ZNF536: variants seen among roughly 807,000 people sequenced by gnomAD.
ZNF536 encodes the protein zinc finger protein 536.
Under a neutral mutation model 84.5 loss-of-function variants are expected in ZNF536, and 13 were observed. The observed-to-expected ratio is 0.15, with a 90% CI of 0.10 to 0.24. The LOEUF is 0.24. Among genes scored for constraint, ZNF536 ranks in the 10% least tolerant of loss-of-function variants. The pLI, the probability that ZNF536 is intolerant of heterozygous loss-of-function variation, is 1.00. For synonymous variants in ZNF536, 811 were observed against 742.5 expected (o/e 1.09, Z -1.50); for missense variants, 1,536 against 1,747.5 (o/e 0.88, Z 2.16).
At chr19:30,323,816 C>T (rs2046934817) in intron 2 of ZNF536, among the ~76,000 whole-genome samples, 1 of 152,176 alleles carries the variant, frequency 6.6e-6, no homozygotes. Context: ...ACCTATCCAT[C>T]CTACCATTAT....
intron 1 of ZNF536, among the ~76,000 whole-genome samples, chr19:30,690,084 C>T (rs2051348393): frequency 6.6e-6 from 1 of 152,200 alleles, no homozygotes; most frequent in Non-Finnish European, 1.5e-5. Flanking sequence ...GGAAAACAAG[C>T]TTAAATTCAT....
chr19:30,290,832 C>T (rs12165131), intron 2 of ZNF536, among the ~76,000 whole-genome samples: 35,335 of 152,090 alleles, frequency 0.23, 5,018 homozygotes, highest in East Asian at 0.54. Context: ...AATGGTCTCC[C>T]TCCCTTTGCC....
chr19:30,421,466 T>C (rs544991980), intron 1 of ZNF536, among the ~76,000 whole-genome samples: 1 of 152,254 alleles, frequency 6.6e-6, no homozygotes, highest in Non-Finnish European at 1.5e-5. Context: ...GAGCTCACTG[T>C]AGCCTCCCAG....
At chr19:30,236,237 C>T (rs538053327) in intron 1 of ZNF536, among the ~76,000 whole-genome samples, 9 of 152,334 alleles carry the variant, frequency 5.9e-5, no homozygotes, top group Admixed American at 3.3e-4. Flanking sequence ...GTCCTGCCGC[C>T]GCCGGGTACT....
chr19:30,307,686 A>T (rs1349278635), intron 2 of ZNF536, among the ~76,000 whole-genome samples: 2 of 152,180 alleles, frequency 1.3e-5, no homozygotes, highest in Non-Finnish European at 2.9e-5. Flanking sequence ...ATTAAAATAC[A>T]GTCCGAACTT....
chr19:30,566,691 G>C (rs1387428708), intron 1 of ZNF536, among the ~76,000 whole-genome samples: 1 of 151,174 alleles, frequency 6.6e-6, no homozygotes. Flanking sequence ...CCTGTATGTG[G>C]CCCCTCTGGA....
intron 1 of ZNF536, among the ~76,000 whole-genome samples, chr19:30,656,505 C>G (rs1440828664): frequency 6.6e-6 from 1 of 152,196 alleles, no homozygotes; most frequent in Admixed American, 6.5e-5. Context: ...CCCTGTGCAA[C>G]GATGCTCATG....
chr19:30,573,982 A>C (rs952761382), intron 1 of ZNF536, among the ~76,000 whole-genome samples: 1 of 152,194 alleles, frequency 6.6e-6, no homozygotes, highest in South Asian at 2.1e-4. Context: ...AGTTTTTGTC[A>C]GGGAAAACTG....
chr19:30,620,232 C>G (rs1398457509), intron 1 of ZNF536, among the ~76,000 whole-genome samples: 1 of 152,124 alleles, frequency 6.6e-6, no homozygotes, highest in Non-Finnish European at 1.5e-5. Flanking sequence ...TCCTGTGGTG[C>G]TGCCATAAGG....
At chr19:30,546,233 G>A (rs558829134) in intron 3 of ZNF536, among the ~76,000 whole-genome samples, 3 of 152,254 alleles carry the variant, frequency 2.0e-5, no homozygotes, top group Admixed American at 2.0e-4. Context: ...CTGACTCCAA[G>A]AAGGGGGAAA....
At chr19:30,285,748 G>C (rs2045603035) in intron 2 of ZNF536, among the ~76,000 whole-genome samples, 1 of 152,140 alleles carries the variant, frequency 6.6e-6, no homozygotes, top group Admixed American at 6.5e-5. Flanking sequence ...TGGTTGCGGG[G>C]CCCTCCCGTG....
chr19:30,496,891 G>C (rs1401982204), intron 2 of ZNF536, among the ~76,000 whole-genome samples: 5 of 152,174 alleles, frequency 3.3e-5, no homozygotes. Flanking sequence ...GTGTAACGTG[G>C]TGCTGGCATG....
chr19:30,686,430 G>C (rs1316783637), intron 1 of ZNF536, among the ~76,000 whole-genome samples: 1 of 152,244 alleles, frequency 6.6e-6, no homozygotes, highest in Non-Finnish European at 1.5e-5. Context: ...CTGTGAGTGT[G>C]TATGTGTGTG....
intron 1 of ZNF536, among the ~76,000 whole-genome samples, chr19:30,596,899 A>G (rs1019070296): frequency 6.7e-6 from 1 of 150,240 alleles, no homozygotes; most frequent in Non-Finnish European, 1.5e-5. Context: ...AGGCTCTCTT[A>G]TTACTGGACT....
chr19:30,353,641 C>CA (rs1041248866), intron 3 of ZNF536, among the ~76,000 whole-genome samples: 2 of 152,120 alleles, frequency 1.3e-5, no homozygotes, highest in Non-Finnish European at 2.9e-5. Context: ...TAGTTCCTTC[C>CA]ACAGCATATC....
At chr19:30,626,713 T>G (rs778368273) in intron 1 of ZNF536, among the ~76,000 whole-genome samples, 16 of 152,142 alleles carry the variant, frequency 1.1e-4, no homozygotes, top group East Asian at 3.9e-4. Flanking sequence ...CAACGTGCAG[T>G]CTGATGGAGA....
At chr19:30,565,761 C>T (rs117000465) in intron 1 of ZNF536, among the ~76,000 whole-genome samples, 4,986 of 152,184 alleles carry the variant, frequency 0.033, 101 homozygotes, top group Middle Eastern at 0.048. Flanking sequence ...ACTCTTCCAG[C>T]GCCTCAGGTT....
intron 1 of ZNF536, among the ~76,000 whole-genome samples, chr19:30,385,098 G>C (rs903559943): frequency 3.9e-5 from 6 of 152,072 alleles, no homozygotes; most frequent in African/African-American, 1.4e-4. Context: ...GCAGGATAAA[G>C]GTCTAACACC....
At chr19:30,508,198 A>C (rs1168570670) in intron 2 of ZNF536, among the ~76,000 whole-genome samples, 2 of 152,144 alleles carry the variant, frequency 1.3e-5, no homozygotes, top group South Asian at 2.1e-4. Context: ...TTGCCCATGG[A>C]AGCTGAATTA....
Sources: allele counts gnomAD v4.1 joint callset (sites outside exome capture counted in the v4.1 genomes callset), GRCh38; gene constraint gnomAD v4.1.1; transcripts MANE v1.5; gene names NCBI Gene and HGNC (gene_info 2026-07-23, HGNC 2026-07-21).